ADRA1B: variants seen among roughly 807,000 people sequenced by gnomAD.
ADRA1B encodes the protein alpha-1B adrenergic receptor.
A neutral mutation model predicts 17.9 loss-of-function variants in ADRA1B; 17 were observed. That is an observed-to-expected ratio of 0.95 (90% CI 0.65 to 1.42). The LOEUF is 1.42. Among genes scored for constraint, ADRA1B ranks in the 40% most tolerant of loss-of-function variants. ADRA1B has a pLI of 0.00. For missense variants in ADRA1B, 681 were observed against 722.1 expected (o/e 0.94, Z 0.65); for synonymous variants, 366 against 327.6 (o/e 1.12, Z -1.27).
At chr5:159,988,574 A>G in the ADRA1B span, among the ~76,000 whole-genome samples, 3 of 152,200 alleles carry the variant, frequency 2.0e-5, no homozygotes, top group African/African-American at 7.2e-5. Context: ...AGAAAGTCCA[A>G]CTGACACTAC....
upstream of ADRA1B, among the ~76,000 whole-genome samples, chr5:159,913,159 A>G (rs1452207615): frequency 1.3e-5 from 2 of 152,206 alleles, no homozygotes; most frequent in African/African-American, 2.4e-5. Flanking sequence ...CTGCAACATC[A>G]GAGGTTTCTA....
At chr5:159,941,454 T>C (rs977611344) in intron 1 of ADRA1B, among the ~76,000 whole-genome samples, 3 of 152,220 alleles carry the variant, frequency 2.0e-5, no homozygotes, top group African/African-American at 7.2e-5. Context: ...ACAGCCACTT[T>C]GAAAAACAGT....
Position 159,950,890 on chromosome 5 carries a change from C to T in ADRA1B, c.950-20989C>T, listed in dbSNP as rs1476788797. 7 of 581,024 alleles carry T rather than the reference C, an allele frequency of 1.2e-5. No individual in the cohort carries two copies. The Admixed American group carries it at 1.5e-4, about 13-fold the overall frequency. 36.0% of individuals were successfully genotyped at this position (581,024 alleles called of 1,614,324 possible). On this transcript the variant is annotated intron_variant, in intron 1 of 1. Coordinates refer to ENST00000306675, the MANE Select transcript of ADRA1B (RefSeq NM_000679.4). The stretch of plus-strand genomic sequence containing the variant: ...TGCCAGTAGAGGCAGGGGTGATGTT[C>T]TGGAGAGCCCCGCAGCCGTCGCACC...
chr5:159,915,150 G>T (rs915526636), upstream of ADRA1B, among the ~76,000 whole-genome samples: 4 of 152,178 alleles, frequency 2.6e-5, no homozygotes, highest in African/African-American at 9.7e-5. Flanking sequence ...TATAACAGTG[G>T]TTCCATCCCC....
Position 159,972,342 on chromosome 5 carries a change from C to A in ADRA1B, c.1413C>A (p.Gly471=). 1 of 1,484,382 alleles carries A rather than the reference C, an allele frequency of 6.7e-7. No individual in the cohort carries two copies. The highest frequency in any genetic ancestry group is 1.3e-5 in the South Asian group (1 of 78,758). 92.0% of individuals were successfully genotyped at this position (1,484,382 alleles called of 1,614,324 possible). ...PPGRRGRHDS[G]PLFTFKLLTE... The stretch of plus-strand genomic sequence containing the variant: ...GCCGCCGCGGCCGCCACGACTCGGG[C>A]CCGCTCTTCACCTTCAAGCTCCTGA... The change falls in exon 2 of 2, where the codon GGC becomes GGA. Residue 471 remains glycine, a synonymous_variant. Transcript: ENST00000306675.
rs141426585 is a variant in ADRA1B at position 159,922,640 on chromosome 5, A to G, written c.949+4786A>G. ...GATGTTCTCCTGTACTGTGTATGAC[A>G]AGGGTCTCTCAGGATTGGGCATTTT... On this transcript the variant is annotated intron_variant, in intron 1 of 1. Transcript: ENST00000306675. 1.6e-3 allele frequency among the ~76,000 whole-genome samples: 243 copies of G among 152,296 alleles called. 2 individuals are homozygous for G. The highest frequency in any genetic ancestry group is 5.7e-3 in the African/African-American group (235 of 41,566).
intron 1 of ADRA1B, chr5:159,947,670 A>G (rs772613965): frequency 3.7e-5 from 36 of 981,952 alleles, no homozygotes; most frequent in Middle Eastern, 5.2e-4. Context: ...GGACCTGGCT[A>G]TGACTTTGCT....
chr5:159,931,700 C>T (rs1350542810), intron 1 of ADRA1B, among the ~76,000 whole-genome samples: 1 of 152,152 alleles, frequency 6.6e-6, no homozygotes, highest in African/African-American at 2.4e-5. Flanking sequence ...GTTCTGGAGG[C>T]TCGGAAGTCC....
At chr5:159,901,218 C>T (rs1754097033) in intron 1 of ADRA1B, among the ~76,000 whole-genome samples, 2 of 151,434 alleles carry the variant, frequency 1.3e-5, no homozygotes, top group Admixed American at 1.3e-4. Flanking sequence ...CTTGAAGAAC[C>T]CAGAGAAATC....
the ADRA1B span, among the ~76,000 whole-genome samples, chr5:159,982,653 T>G: frequency 6.6e-6 from 1 of 152,120 alleles, no homozygotes; most frequent in Non-Finnish European, 1.5e-5. Flanking sequence ...AATCCTCCTT[T>G]GTACCTGGAA....
intron 1 of ADRA1B, among the ~76,000 whole-genome samples, chr5:159,950,110 G>T (rs1477932311): frequency 6.6e-6 from 1 of 152,054 alleles, no homozygotes; most frequent in Non-Finnish European, 1.5e-5. Flanking sequence ...GAATGGGGCA[G>T]TTTTTTGTAA....
rs752370719 is a variant in ADRA1B, at chr5:159,971,966, T to C, written c.1037T>C (p.Ile346Thr). Reference sequence around the variant, plus strand: ...TACTTCAACAGCTGCCTCAACCCCATCATCTACCCATGCTCCAGCAAGGAG... The same window carrying C: ...TACTTCAACAGCTGCCTCAACCCCACCATCTACCCATGCTCCAGCAAGGAG... The part of the protein sequence containing the change: ...LGYFNSCLNP[I>T]IYPCSSKEFK... Residue 346 changes from isoleucine to threonine, a missense_variant, in exon 2 of 2, where the codon ATC (isoleucine) becomes ACC (threonine). By Grantham distance (89) the Ile-to-Thr change is moderately conservative. Around this residue, in one of 3 missense-constraint regions of ADRA1B, gnomAD observed 424 missense variants for 480.2 expected, o/e 0.88. Coordinates refer to ENST00000306675, the MANE Select transcript of ADRA1B (RefSeq NM_000679.4). 7.0e-7 allele frequency: 1 copy of C among 1,425,544 alleles called. No individual in the cohort carries two copies. The highest frequency in any genetic ancestry group is 2.1e-5 in the Admixed American group (1 of 47,334). 88.3% of individuals were successfully genotyped at this position (1,425,544 alleles called of 1,614,324 possible).
At chr5:159,971,728 G>A in intron 1 of ADRA1B, 151 bp from the exon 2 acceptor site, 1 of 677,460 alleles carries the variant, frequency 1.5e-6, no homozygotes, top group Non-Finnish European at 2.2e-6. Flanking sequence ...GCAAAGGGAA[G>A]TATTCCGGGC....
chr5:159,938,657 T>TAGCCATTAGAC (rs1755021134), intron 1 of ADRA1B, among the ~76,000 whole-genome samples: 2 of 152,226 alleles, frequency 1.3e-5, no homozygotes, highest in Non-Finnish European at 2.9e-5. Context: ...TTGCCAGCAT[T>TAGCCATTAGAC]TAATACAATT....
intron 1 of ADRA1B, among the ~76,000 whole-genome samples, chr5:159,923,849 T>C (rs1006113471): frequency 6.6e-6 from 1 of 152,280 alleles, no homozygotes; most frequent in Non-Finnish European, 1.5e-5. Flanking sequence ...GCGACTCTTA[T>C]GCAGCCAGCA....
intron 1 of ADRA1B, among the ~76,000 whole-genome samples, chr5:159,871,579 T>C (rs958136036): frequency 2.0e-5 from 3 of 152,124 alleles, no homozygotes; most frequent in African/African-American, 7.2e-5. Flanking sequence ...TCTTTTATTT[T>C]ATAAGGACAA....
Position 159,890,024 on chromosome 5 carries a change from G to A in ADRA1B, c.-256+24818G>A, listed in dbSNP as rs554878109. On this transcript the variant is annotated intron_variant, in intron 1 of 2. Transcript: ENST00000641205. Reference sequence around the variant, plus strand: ...GAAGCCTCCAGAAGGTGCTAAGATAGGCTGCCAGCCTCCAGCATCCAGAGG... The same window carrying A: ...GAAGCCTCCAGAAGGTGCTAAGATAAGCTGCCAGCCTCCAGCATCCAGAGG... Among the ~76,000 whole-genome samples, 9 of 152,322 alleles carry A rather than the reference G, an allele frequency of 5.9e-5. No homozygotes were observed. In the South Asian group the frequency reaches 1.9e-3, roughly 32 times the overall value.
chr5:159,912,571 C>T (rs1311512608), upstream of ADRA1B, among the ~76,000 whole-genome samples: 1 of 152,240 alleles, frequency 6.6e-6, no homozygotes, highest in African/African-American at 2.4e-5. Flanking sequence ...TTCCTTCAGG[C>T]TAACATTGAA....
At chr5:159,882,401 G>A (rs1466971429) in intron 1 of ADRA1B, among the ~76,000 whole-genome samples, 5 of 152,134 alleles carry the variant, frequency 3.3e-5, no homozygotes, top group Admixed American at 6.5e-5. Flanking sequence ...TTTATATGTC[G>A]GGTTGTTATG....
Sources: allele counts gnomAD v4.1 joint callset (sites outside exome capture counted in the v4.1 genomes callset), GRCh38; gene constraint gnomAD v4.1.1; regional missense constraint gnomAD v4.1.1; transcripts MANE v1.5; gene names NCBI Gene and HGNC (gene_info 2026-07-23, HGNC 2026-07-21).